Variants in DLGAP1 observed in about 807,000 individuals in gnomAD.
The protein encoded by DLGAP1 is DLG associated protein 1, also known as disks large-associated protein 1.
A neutral mutation model predicts 90.8 loss-of-function variants in DLGAP1; 11 were observed. The observed-to-expected ratio is 0.12, with a 90% confidence interval of 0.08 to 0.20. DLGAP1 has a LOEUF of 0.20. Ranked by LOEUF, DLGAP1 falls within the 10% of genes least tolerant of loss-of-function variation. The pLI is 1.00. For synonymous variants in DLGAP1, 558 were observed against 540.7 expected, an observed-to-expected ratio of 1.03 and a Z score of -0.44; for missense variants, 1,050 against 1,333.8, an observed-to-expected ratio of 0.79 and a Z score of 3.31.
intron 7 of DLGAP1, among the ~76,000 whole-genome samples, chr18:3,690,522 ATT>A (rs1218319666): frequency 1.3e-5 from 2 of 152,116 alleles, no homozygotes; most frequent in Non-Finnish European, 2.9e-5. Context: ...CCCTTGATTG[ATT>A]CTGAAGCCCC....
chr18:3,943,586 C>T (rs1171611031), intron 3 of DLGAP1, among the ~76,000 whole-genome samples: 1 of 150,690 alleles, frequency 6.6e-6, no homozygotes, highest in Non-Finnish European at 1.5e-5. Flanking sequence ...GGGGAGATAA[C>T]TCAGAGAGTA....
intron 1 of DLGAP1, among the ~76,000 whole-genome samples, chr18:4,386,438 G>A (rs1402051251): frequency 6.6e-6 from 1 of 152,170 alleles, no homozygotes; most frequent in East Asian, 1.9e-4. Flanking sequence ...TCCATCAGGA[G>A]ATTACAGTCC....
chr18:4,299,594 T>G (rs556610588), intron 1 of DLGAP1, among the ~76,000 whole-genome samples: 1 of 152,312 alleles, frequency 6.6e-6, no homozygotes, highest in African/African-American at 2.4e-5. Context: ...TTGTGCTTAC[T>G]TGTCATAAAA....
chr18:3,803,228 A>G (rs1259198006), intron 5 of DLGAP1, among the ~76,000 whole-genome samples: 1 of 152,132 alleles, frequency 6.6e-6, no homozygotes, highest in African/African-American at 2.4e-5. Context: ...CCTTTCAATG[A>G]AGAAATGCAG....
At chr18:4,107,232 A>G (rs968325247) in intron 2 of DLGAP1, among the ~76,000 whole-genome samples, 4 of 152,230 alleles carry the variant, frequency 2.6e-5, no homozygotes, top group African/African-American at 7.2e-5. Context: ...AGAAAGCTGT[A>G]GTGGAATGTG....
chr18:4,368,949 G>A (rs1215932783), intron 1 of DLGAP1, among the ~76,000 whole-genome samples: 1 of 152,104 alleles, frequency 6.6e-6, no homozygotes, highest in East Asian at 1.9e-4. Flanking sequence ...GGCAAATATC[G>A]ATGAGCAGTA....
At chr18:3,688,193 G>T (rs894344077) in intron 7 of DLGAP1, among the ~76,000 whole-genome samples, 2 of 152,084 alleles carry the variant, frequency 1.3e-5, no homozygotes, top group Non-Finnish European at 2.9e-5. Flanking sequence ...TTACAGGTGT[G>T]AGCCACCGCA....
chr18:3,689,338 A>C (rs1051269062), intron 7 of DLGAP1, among the ~76,000 whole-genome samples: 1 of 151,734 alleles, frequency 6.6e-6, no homozygotes, highest in Non-Finnish European at 1.5e-5. Context: ...TGCCAAATAA[A>C]CTCTCCTCTC....
intron 1 of DLGAP1, among the ~76,000 whole-genome samples, chr18:4,166,835 T>A (rs773291818): frequency 5.3e-5 from 8 of 152,138 alleles, no homozygotes; most frequent in Admixed American, 1.3e-4. Flanking sequence ...AATAGGCAAA[T>A]TCAGAGAGAC....
chr18:3,781,848 T>C (rs1342484879), intron 5 of DLGAP1, among the ~76,000 whole-genome samples: 2 of 152,250 alleles, frequency 1.3e-5, no homozygotes, highest in Admixed American at 6.5e-5. Flanking sequence ...CAAATTCTTA[T>C]AAATTCAACA....
Position 4,326,710 on chromosome 18 carries a change from C to T in DLGAP1, c.-267+128296G>A, listed in dbSNP as rs539268174. Among the ~76,000 whole-genome samples the T allele has an allele frequency of 7.2e-4, 109 of 152,018 alleles. 1 individual carries two copies. Among genetic ancestry groups the T allele is most frequent in the Middle Eastern group, 6.8e-3 (2 of 294 alleles). On this transcript the variant is annotated intron_variant, in intron 1 of 12. Coordinates refer to ENST00000315677, the MANE Select transcript of DLGAP1 (RefSeq NM_004746.4). ...CTTTGCAGCAACAAGGACGGTGCTG[C>T]ATTTGTGGGAGACCATTATCCCAAG...
chr18:3,507,388 G>A (rs2050293859), intron 11 of DLGAP1, among the ~76,000 whole-genome samples: 1 of 146,968 alleles, frequency 6.8e-6, no homozygotes, highest in Non-Finnish European at 1.5e-5. Flanking sequence ...ATGGTGGCAT[G>A]CACCTGTAGT....
At chr18:3,592,010 A>G (rs773209678) in intron 7 of DLGAP1, among the ~76,000 whole-genome samples, 7 of 152,192 alleles carry the variant, frequency 4.6e-5, no homozygotes, top group Non-Finnish European at 8.8e-5. Flanking sequence ...AACATCTGAT[A>G]GGGGGCTCAA....
chr18:4,312,541 T>TTTTTGACTG (rs1439984873), intron 1 of DLGAP1, among the ~76,000 whole-genome samples: 1 of 152,220 alleles, frequency 6.6e-6, no homozygotes, highest in Non-Finnish European at 1.5e-5. Flanking sequence ...GTGAAATGTC[T>TTTTTGACTG]TTTTGACTGA....
At chr18:4,171,147 A>C (rs2077017704) in intron 1 of DLGAP1, among the ~76,000 whole-genome samples, 1 of 152,182 alleles carries the variant, frequency 6.6e-6, no homozygotes, top group South Asian at 2.1e-4. Flanking sequence ...ATATATCACT[A>C]GTCTGAAAAG....
chr18:3,873,052 A>G (rs1194574750), intron 4 of DLGAP1, among the ~76,000 whole-genome samples: 3 of 152,154 alleles, frequency 2.0e-5, no homozygotes, highest in Non-Finnish European at 4.4e-5. Context: ...AAGAATAATA[A>G]AGTTTCTTTA....
intron 1 of DLGAP1, among the ~76,000 whole-genome samples, chr18:4,362,583 A>G (rs35195660): frequency 0.14 from 20,648 of 152,142 alleles, 1,594 homozygotes; most frequent in African/African-American, 0.21. Flanking sequence ...AAGATGTGGG[A>G]AATGGAAAGT....
chr18:4,150,016 C>T (rs1416333999), intron 2 of DLGAP1, among the ~76,000 whole-genome samples: 3 of 152,210 alleles, frequency 2.0e-5, no homozygotes, highest in South Asian at 2.1e-4. Context: ...ATCTTTCTAA[C>T]GGAAATTTGG....
chr18:3,916,187 G>A (rs1482714562), intron 3 of DLGAP1, among the ~76,000 whole-genome samples: 1 of 152,192 alleles, frequency 6.6e-6, no homozygotes, highest in African/African-American at 2.4e-5. Flanking sequence ...AATAGCCCAA[G>A]GACAGGGACG....
Sources: allele counts gnomAD v4.1 joint callset (sites outside exome capture counted in the v4.1 genomes callset), GRCh38; gene constraint gnomAD v4.1.1; transcripts MANE v1.5; gene names NCBI Gene and HGNC (gene_info 2026-07-23, HGNC 2026-07-21).